Variants in ZDHHC14 observed in about 807,000 individuals in gnomAD.
ZDHHC14 encodes the protein palmitoyltransferase ZDHHC14.
Under a neutral mutation model 47.7 loss-of-function variants are expected in ZDHHC14, and 16 were observed. The observed-to-expected ratio is 0.34, with a 90% CI of 0.23 to 0.51. The LOEUF (loss-of-function observed/expected upper bound fraction) is 0.51. ZDHHC14 is among the 20% of genes least tolerant of loss of function. ZDHHC14 has a pLI of 0.97. For missense variants in ZDHHC14, 515 were observed against 662.5 expected (o/e 0.78, Z 2.44); for synonymous variants, 293 against 278.9 (o/e 1.05, Z -0.50).
chr6:157,581,642 A>C (rs1348387994), intron 2 of ZDHHC14, among the ~76,000 whole-genome samples: 1 of 151,992 alleles, frequency 6.6e-6, no homozygotes, highest in Non-Finnish European at 1.5e-5. Context: ...AGGTCTTCTT[A>C]TTGAATTGAA....
At chr6:157,601,905 A>G (rs796334717) in intron 3 of ZDHHC14, among the ~76,000 whole-genome samples, 19 of 152,338 alleles carry the variant, frequency 1.2e-4, no homozygotes, top group African/African-American at 4.6e-4. Flanking sequence ...GAAGGCAGAG[A>G]TAAAGAATGC....
intron 1 of ZDHHC14, among the ~76,000 whole-genome samples, chr6:157,455,151 A>C (rs552846453): frequency 6.6e-6 from 1 of 152,316 alleles, no homozygotes; most frequent in African/African-American, 2.4e-5. Context: ...CAGGGCAGTC[A>C]CTGCAGTATC....
chr6:157,606,022 G>A (rs894751849), intron 3 of ZDHHC14, among the ~76,000 whole-genome samples: 14 of 152,174 alleles, frequency 9.2e-5, no homozygotes, highest in African/African-American at 2.7e-4. Context: ...AGTACTTTAC[G>A]TGTTTAAAAC....
intron 8 of ZDHHC14, among the ~76,000 whole-genome samples, chr6:157,654,377 G>A (rs1777987247): frequency 6.6e-6 from 1 of 152,070 alleles, no homozygotes; most frequent in South Asian, 2.1e-4. Context: ...CTCTTTATTT[G>A]GAACAAATCT....
At chr6:157,439,239 G>C (rs746197754) in intron 1 of ZDHHC14, among the ~76,000 whole-genome samples, 5 of 152,110 alleles carry the variant, frequency 3.3e-5, no homozygotes, top group Non-Finnish European at 5.9e-5. Flanking sequence ...TGCTAGAATG[G>C]GAGAAAGTTT....
chr6:157,645,356 A>G (rs1777471407), intron 5 of ZDHHC14, among the ~76,000 whole-genome samples: 1 of 152,148 alleles, frequency 6.6e-6, no homozygotes, highest in Non-Finnish European at 1.5e-5. Context: ...CCAGAGCCTG[A>G]GCTGCAGCCA....
intron 1 of ZDHHC14, among the ~76,000 whole-genome samples, chr6:157,540,888 ATGTG>A (rs1171821046): frequency 2.0e-4 from 25 of 127,516 alleles, no homozygotes; most frequent in Non-Finnish European, 3.4e-4. Flanking sequence ...ATATGTATGT[ATGTG>A]TGTGTGTGTG....
chr6:157,439,264 A>G (rs1778511742), intron 1 of ZDHHC14, among the ~76,000 whole-genome samples: 1 of 152,158 alleles, frequency 6.6e-6, no homozygotes, highest in Non-Finnish European at 1.5e-5. Flanking sequence ...AGTCTACCCA[A>G]CTGACAAAGA....
intron 1 of ZDHHC14, among the ~76,000 whole-genome samples, chr6:157,473,001 C>CA (rs1291636076): frequency 1.3e-5 from 2 of 152,052 alleles, no homozygotes; most frequent in Non-Finnish European, 2.9e-5. Flanking sequence ...CTGGTGCTTT[C>CA]AAAAATCTGT....
intron 3 of ZDHHC14, among the ~76,000 whole-genome samples, chr6:157,618,213 T>C (rs2114934012): frequency 6.6e-6 from 1 of 152,336 alleles, no homozygotes; most frequent in Non-Finnish European, 1.5e-5. Context: ...GACTAAGCAC[T>C]GCTCACGTGG....
intron 2 of ZDHHC14, among the ~76,000 whole-genome samples, chr6:157,565,534 A>G (rs1181954393): frequency 6.6e-6 from 1 of 152,162 alleles, no homozygotes; most frequent in Admixed American, 6.5e-5. Flanking sequence ...AAGATTGGGT[A>G]CAGGCCAGAT....
chr6:157,624,976 C>A (rs1409485056), intron 3 of ZDHHC14, among the ~76,000 whole-genome samples: 12 of 152,154 alleles, frequency 7.9e-5, no homozygotes, highest in Admixed American at 6.5e-4. Context: ...CCTCCCATGG[C>A]AGAAGGCAGG....
At chr6:157,387,702 G>A (rs1294247172) in intron 1 of ZDHHC14, among the ~76,000 whole-genome samples, 1 of 152,170 alleles carries the variant, frequency 6.6e-6, no homozygotes, top group African/African-American at 2.4e-5. Flanking sequence ...ATTCATTTGT[G>A]TACATGATCA....
At chr6:157,570,794 C>T (rs111425667) in intron 2 of ZDHHC14, among the ~76,000 whole-genome samples, 6,407 of 147,850 alleles carry the variant, frequency 0.043, 152 homozygotes, top group Non-Finnish European at 0.056. Flanking sequence ...CACACACACA[C>T]ATATATATAC....
At chr6:157,628,547 A>G (rs768811404) in intron 4 of ZDHHC14, 61 bp downstream of exon 4, 5 of 1,570,414 alleles carry the variant, frequency 3.2e-6, no homozygotes, top group Non-Finnish European at 4.3e-6. Context: ...TGATTTTCCT[A>G]TTTGATTTTG....
chr6:157,571,642 G>A (rs779153192), intron 2 of ZDHHC14, among the ~76,000 whole-genome samples: 6 of 152,126 alleles, frequency 3.9e-5, no homozygotes, highest in Non-Finnish European at 7.3e-5. Context: ...GTACTGAAAT[G>A]CAGCCTTGGG....
At chr6:157,441,025 G>A (rs1464408120) in intron 1 of ZDHHC14, among the ~76,000 whole-genome samples, 1 of 152,328 alleles carries the variant, frequency 6.6e-6, no homozygotes, top group South Asian at 2.1e-4. Flanking sequence ...ACTTATGGGG[G>A]TCTTTTCAGT....
intron 1 of ZDHHC14, among the ~76,000 whole-genome samples, chr6:157,442,528 G>T (rs1367501860): frequency 6.6e-6 from 1 of 152,200 alleles, no homozygotes; most frequent in African/African-American, 2.4e-5. Context: ...GAAACTCTAA[G>T]CCCCGCTCTC....
At chr6:157,572,982 A>T (rs1043417113) in intron 2 of ZDHHC14, among the ~76,000 whole-genome samples, 3 of 151,914 alleles carry the variant, frequency 2.0e-5, no homozygotes, top group African/African-American at 7.3e-5. Flanking sequence ...TATCCTACAA[A>T]TGCCTTCTTC....
Sources: gnomAD v4.1 joint callset for allele counts (sites outside exome capture counted in the v4.1 genomes callset) on GRCh38, gnomAD v4.1.1 for gene constraint, MANE v1.5 for transcripts, NCBI Gene and HGNC (gene_info 2026-07-23, HGNC 2026-07-21) for gene names.